The following GRID2 variants were observed in gnomAD, a reference collection of about 807,000 sequenced individuals.
GRID2 encodes glutamate receptor ionotropic, delta-2.
Under a neutral mutation model 114.8 loss-of-function variants are expected in GRID2, and 33 were observed. The observed-to-expected ratio is 0.29, with a 90% CI of 0.22 to 0.38. GRID2 has a LOEUF of 0.38. Among genes scored for constraint, GRID2 ranks in the 10% least tolerant of loss-of-function variants. The pLI is 1.00. For missense variants in GRID2, 1,184 were observed against 1,257.7 expected, an observed-to-expected ratio of 0.94 and a Z score of 0.89; for synonymous variants, 505 against 449.9, an observed-to-expected ratio of 1.12 and a Z score of -1.55.
At chr4:92,493,743 GCTAT>G (rs1205357135) in intron 1 of GRID2, among the ~76,000 whole-genome samples, 8 of 152,076 alleles carry the variant, frequency 5.3e-5, no homozygotes, top group Non-Finnish European at 4.4e-5. Context: ...GACTTTTCTA[GCTAT>G]CTAATTTGTT....
intron 13 of GRID2, among the ~76,000 whole-genome samples, chr4:93,588,125 C>A (rs553529266): frequency 6.6e-6 from 1 of 151,832 alleles, no homozygotes; most frequent in South Asian, 2.1e-4. Context: ...AAAATATGGT[C>A]AAGAACTTGT....
rs149683855 is a variant in GRID2, at chr4:93,286,723, G to GTATGTGTTTGGCCTGCAAAGGAC, written c.1245+48234_1245+48235insATGTGTTTGGCCTGCAAAGGACT. Among the ~76,000 whole-genome samples the GTATGTGTTTGGCCTGCAAAGGAC allele has an allele frequency of 4.3e-3, 652 of 150,770 alleles. 6 individuals are homozygous for GTATGTGTTTGGCCTGCAAAGGAC. Among genetic ancestry groups the GTATGTGTTTGGCCTGCAAAGGAC allele is most frequent in the African/African-American group, 0.015 (623 of 40,744 alleles). ...TGTGTGTGTGTGTGTGTGTGTGTAT[G>GTATGTGTTTGGCCTGCAAAGGAC]TTCCCACATTAGTTGTGGAATTTAT... On this transcript the variant is annotated intron_variant, in intron 8 of 15. Coordinates refer to ENST00000282020, the MANE Select transcript of GRID2 (RefSeq NM_001510.4).
chr4:92,471,179 G>T (rs938104834), intron 1 of GRID2, among the ~76,000 whole-genome samples: 1 of 152,012 alleles, frequency 6.6e-6, no homozygotes, highest in East Asian at 1.9e-4. Flanking sequence ...ACTTAAATGT[G>T]AGTCATTTAA....
chr4:93,085,248 G>A lies in GRID2; in HGVS notation c.498G>A (p.Gln166=), dbSNP rs780362271. 1 of 1,613,402 alleles carries A rather than the reference G, an allele frequency of 6.2e-7. No individual in the cohort carries two copies. Among genetic ancestry groups the A allele is most frequent in the Non-Finnish European group, 8.5e-7 (1 of 1,179,326 alleles). The part of the protein sequence containing the change: ...ILRVVTEYAW[Q]KFIIFYDSEY... ...GAGTGGTCACAGAGTATGCCTGGCAGAAATTCATTATATTCTATGATAGTG... is the reference window on the plus strand; with the variant it reads ...GAGTGGTCACAGAGTATGCCTGGCAAAAATTCATTATATTCTATGATAGTG... The change falls in exon 3 of 16, where the codon CAG becomes CAA. Residue 166 remains glutamine, a synonymous_variant. Transcript: ENST00000282020.
At chr4:92,685,870 T>A (rs578239170) in intron 2 of GRID2, among the ~76,000 whole-genome samples, 1 of 152,156 alleles carries the variant, frequency 6.6e-6, no homozygotes, top group South Asian at 2.1e-4. Flanking sequence ...TTCAAAACAG[T>A]CCAACCCCTT....
At chr4:92,531,201 A>G (rs1399390113) in intron 1 of GRID2, among the ~76,000 whole-genome samples, 2 of 152,136 alleles carry the variant, frequency 1.3e-5, no homozygotes, top group Non-Finnish European at 2.9e-5. Flanking sequence ...TGTTGGATCA[A>G]TGAGTGTTTC....
intron 2 of GRID2, among the ~76,000 whole-genome samples, chr4:93,077,914 A>G (rs895726276): frequency 6.6e-6 from 1 of 152,200 alleles, no homozygotes; most frequent in Non-Finnish European, 1.5e-5. Flanking sequence ...AAGCTACATA[A>G]CTCATAAATA....
At chr4:93,793,520 C>T (rs181109467) in intron 1 of GRID2, among the ~76,000 whole-genome samples, 505 of 152,276 alleles carry the variant, frequency 3.3e-3, no homozygotes, top group Middle Eastern at 0.024. Context: ...ATCATATTTT[C>T]CAACTTGGTT....
intron 1 of GRID2, among the ~76,000 whole-genome samples, chr4:92,390,197 C>T (rs1730172840): frequency 6.6e-6 from 1 of 152,038 alleles, no homozygotes; most frequent in African/African-American, 2.4e-5. Context: ...ATACTATATG[C>T]ACACCTGGGG....
chr4:92,748,389 C>T (rs1303612796), intron 2 of GRID2, among the ~76,000 whole-genome samples: 1 of 152,052 alleles, frequency 6.6e-6, no homozygotes, highest in Non-Finnish European at 1.5e-5. Flanking sequence ...TCTCTAGTTT[C>T]CCGCTACTTT....
rs114041183 is a variant in GRID2, at chr4:92,551,488, C to G, written c.89-38643C>G. Among the ~76,000 whole-genome samples, 802 of 152,192 alleles carry G rather than the reference C, an allele frequency of 5.3e-3. 5 individuals are homozygous for G. Among genetic ancestry groups the G allele is most frequent in the African/African-American group, 0.018 (759 of 41,546 alleles). On this transcript the variant is annotated intron_variant, in intron 1 of 15. Coordinates refer to ENST00000282020, the MANE Select transcript of GRID2 (RefSeq NM_001510.4). ...TAACTTTATCATCTATAAAATGCAACTAATAATATCTGCCTTATCTCAGAG... is the reference window on the plus strand; with the variant it reads ...TAACTTTATCATCTATAAAATGCAAGTAATAATATCTGCCTTATCTCAGAG...
intron 11 of GRID2, among the ~76,000 whole-genome samples, chr4:93,457,157 G>A (rs1723285220): frequency 6.6e-6 from 1 of 152,170 alleles, no homozygotes; most frequent in Admixed American, 6.6e-5. Flanking sequence ...GATTACAATT[G>A]TGGGTAGAAA....
Position 92,929,826 on chromosome 4 carries a change from G to A in GRID2, c.245-155169G>A, listed in dbSNP as rs182048045. On this transcript the variant is annotated intron_variant, in intron 2 of 15. Transcript: ENST00000282020. ...AAATGATATTATTAATGTCTAATTT[G>A]TAGATTTTAGTTTTTAAAAAAGGTT... Among the ~76,000 whole-genome samples, 436 of 151,272 alleles carry A rather than the reference G, an allele frequency of 2.9e-3. 6 individuals carry two copies. Among genetic ancestry groups the A allele is most frequent in the South Asian group, 0.018 (87 of 4,822 alleles).
intron 14 of GRID2, among the ~76,000 whole-genome samples, chr4:93,664,412 G>A (rs184220939): frequency 6.6e-6 from 1 of 152,180 alleles, no homozygotes; most frequent in Admixed American, 6.5e-5. Context: ...TGGACAAAGT[G>A]GAAGCAGACA....
Position 93,163,564 on chromosome 4 carries a change from G to GTT in GRID2, c.736-43829_736-43828dup, listed in dbSNP as rs112875511. On this transcript the variant is annotated intron_variant, in intron 4 of 15. Coordinates refer to ENST00000282020, the MANE Select transcript of GRID2 (RefSeq NM_001510.4). The stretch of plus-strand genomic sequence containing the variant: ...CAGGTGTGAATCACTGCACTTGCCA[G>GTT]TTTTTTTTTTTTAATAACAAGAAAA... Among the ~76,000 whole-genome samples the GTT allele has an allele frequency of 7.9e-3, 1,094 of 138,088 alleles. 20 individuals carry two copies. Among genetic ancestry groups the GTT allele is most frequent in the African/African-American group, 0.028 (1,044 of 37,640 alleles). 90.6% of individuals were successfully genotyped at this position (138,088 alleles called of 152,430 possible).
At chr4:92,531,923 C>A (rs985548418) in intron 1 of GRID2, among the ~76,000 whole-genome samples, 2 of 152,086 alleles carry the variant, frequency 1.3e-5, no homozygotes, top group South Asian at 2.1e-4. Context: ...AGCTCATTAA[C>A]GCAGGCCCTA....
At chr4:93,393,091 A>G (rs939481787) in intron 8 of GRID2, among the ~76,000 whole-genome samples, 2 of 152,022 alleles carry the variant, frequency 1.3e-5, no homozygotes, top group African/African-American at 4.8e-5. Flanking sequence ...CCCCATTATC[A>G]TATGTGATAA....
chr4:92,362,478 T>C (rs1361635605), intron 1 of GRID2, among the ~76,000 whole-genome samples: 1 of 152,052 alleles, frequency 6.6e-6, no homozygotes, highest in Non-Finnish European at 1.5e-5. Context: ...CTGTAGCATG[T>C]ATTTTCCAAT....
chr4:92,888,163 A>G (rs868808688), intron 2 of GRID2, among the ~76,000 whole-genome samples: 14 of 152,268 alleles, frequency 9.2e-5, no homozygotes, highest in Middle Eastern at 3.4e-3. Context: ...ATCTTTCTCA[A>G]CTTTCTGGTA....
Sources: gnomAD v4.1 joint callset for allele counts (sites outside exome capture counted in the v4.1 genomes callset) on GRCh38, gnomAD v4.1.1 for gene constraint, MANE v1.5 for transcripts, NCBI Gene and HGNC (gene_info 2026-07-23, HGNC 2026-07-21) for gene names.